Variants in ZNF521 observed in about 807,000 individuals in gnomAD.
The protein encoded by ZNF521 is zinc finger protein 521.
In ZNF521, 14 loss-of-function variants were observed where a neutral mutation model predicts 105.5. That is an observed-to-expected ratio of 0.13 (90% CI 0.09 to 0.21). The LOEUF (loss-of-function observed/expected upper bound fraction) is 0.21, where lower values mean the gene tolerates loss of function less well. ZNF521 is among the 10% of genes least tolerant of loss of function. The probability of loss-of-function intolerance (pLI) is 1.00; values close to 1 mark genes in which losing one functional copy is unlikely to be tolerated. For synonymous variants in ZNF521, 635 were observed against 606.0 expected (o/e 1.05, Z -0.70); for missense variants, 1,233 against 1,629.7 (o/e 0.76, Z 4.19).
chr18:25,100,945 A>T (rs1326971378), intron 5 of ZNF521, among the ~76,000 whole-genome samples: 1 of 152,192 alleles, frequency 6.6e-6, no homozygotes, highest in Non-Finnish European at 1.5e-5. Flanking sequence ...GTGTGAATTT[A>T]ATGTCATGCT....
intron 7 of ZNF521, among the ~76,000 whole-genome samples, chr18:25,075,575 A>G (rs368841924): frequency 9.8e-4 from 150 of 152,306 alleles, no homozygotes; most frequent in African/African-American, 3.5e-3. Flanking sequence ...ACGCTATTCA[A>G]TGTTCCTTGC....
intron 6 of ZNF521, 93 bp downstream of exon 6, chr18:25,091,857 A>G: frequency 6.8e-7 from 1 of 1,468,914 alleles, no homozygotes; most frequent in Non-Finnish European, 9.1e-7. Context: ...TCATGTCTGT[A>G]AAAGGCCATA....
In ZNF521 at chr18:25,188,466, G is replaced by A. The variant is rs181283386; in HGVS notation, c.3658+6694C>T. On this transcript the variant is annotated intron_variant, in intron 5 of 7. Transcript: ENST00000361524. ...AACGGATTCTGTGGAAATAGGTCAC[G>A]ATGTGTGTGTGTGCATGGGCAAGCA... Among the ~76,000 whole-genome samples the A allele has an allele frequency of 4.1e-3, 628 of 152,250 alleles. 4 individuals carry two copies. Among genetic ancestry groups the A allele is most frequent in the Non-Finnish European group, 7.4e-3 (505 of 68,034 alleles).
In ZNF521 at chr18:25,320,427, T is replaced by A. The variant is rs562967918; in HGVS notation, c.220+1581A>T. ...CTCAGATGATCCACCTGCCTCGGCC[T>A]CCCAAAGTGCTAGGATTACAGGTGT... is the stretch of plus-strand genomic sequence containing the variant. On this transcript the variant is annotated intron_variant, in intron 3 of 7. Transcript: ENST00000361524. 7.2e-5 allele frequency among the ~76,000 whole-genome samples: 11 copies of A among 152,306 alleles called. No homozygotes were observed. The South Asian group carries it at 2.3e-3, about 32-fold the overall frequency.
intron 3 of ZNF521, among the ~76,000 whole-genome samples, chr18:25,230,391 C>A (rs757332479): frequency 7.9e-5 from 12 of 152,154 alleles, no homozygotes; most frequent in Admixed American, 4.6e-4. Flanking sequence ...CTACTCCAAG[C>A]GGGTTGGTCC....
At chr18:25,180,984 C>G (rs1485644167) in intron 5 of ZNF521, among the ~76,000 whole-genome samples, 1 of 152,102 alleles carries the variant, frequency 6.6e-6, no homozygotes, top group Non-Finnish European at 1.5e-5. Flanking sequence ...AAGTAAATCC[C>G]TATTTCAGCA....
chr18:25,310,430 AAAC>A (rs1912236885), intron 3 of ZNF521, among the ~76,000 whole-genome samples: 1 of 147,376 alleles, frequency 6.8e-6, no homozygotes, highest in African/African-American at 2.7e-5. Flanking sequence ...AAAAAACAGA[AAAC>A]AAAAAAAAAA....
chr18:25,163,900 C>T (rs1174611911), intron 5 of ZNF521, among the ~76,000 whole-genome samples: 1 of 152,130 alleles, frequency 6.6e-6, no homozygotes, highest in African/African-American at 2.4e-5. Context: ...TACAGAAAAG[C>T]TGTCCTTTCA....
intron 3 of ZNF521, among the ~76,000 whole-genome samples, chr18:25,265,123 AAATAT>A (rs1289658113): frequency 3.9e-5 from 6 of 152,198 alleles, no homozygotes; most frequent in Non-Finnish European, 7.3e-5. Context: ...ACATTTTTAA[AAATAT>A]TAAACAAAAA....
intron 3 of ZNF521, among the ~76,000 whole-genome samples, chr18:25,304,447 A>G (rs1409355427): frequency 1.3e-5 from 2 of 152,210 alleles, no homozygotes; most frequent in Non-Finnish European, 2.9e-5. Flanking sequence ...AACTGACTTT[A>G]CATTCGGTTT....
chr18:25,070,029 GA>G (rs1368136409), intron 7 of ZNF521, among the ~76,000 whole-genome samples: 2 of 152,160 alleles, frequency 1.3e-5, no homozygotes, highest in Non-Finnish European at 2.9e-5. Flanking sequence ...GGCTTGGTCT[GA>G]CATCTCAAAG....
At chr18:25,116,724 T>A (rs2034310192) in intron 5 of ZNF521, among the ~76,000 whole-genome samples, 1 of 151,292 alleles carries the variant, frequency 6.6e-6, no homozygotes, top group Admixed American at 6.6e-5. Flanking sequence ...TCCTCCTTTT[T>A]AAAAAAAACA....
chr18:25,062,745 T>TAA lies in ZNF521; in HGVS notation c.3907-6_3907-5dup. On this transcript the variant is annotated splice_region_variant and splice_polypyrimidine_tract_variant and intron_variant, in intron 7 of 7. Transcript: ENST00000361524. ...TGTGTTGGGTCATTGTATGATTCTG[T>TAA]AAATAACAAAAAAAAAAAAAAAAAA... The TAA allele has an allele frequency of 1.1e-6, 1 of 936,792 alleles. No individual in the cohort carries two copies. 58.0% of individuals were successfully genotyped at this position (936,792 alleles called of 1,614,324 possible).
chr18:25,077,235 G>C (rs576948236), intron 7 of ZNF521, among the ~76,000 whole-genome samples: 1 of 152,302 alleles, frequency 6.6e-6, no homozygotes, highest in South Asian at 2.1e-4. Context: ...CTGAAGGGAA[G>C]AAAGAACGTG....
intron 5 of ZNF521, among the ~76,000 whole-genome samples, chr18:25,110,442 C>CAAAAAAAAAAAAAAA (rs372395726): frequency 6.7e-5 from 10 of 148,978 alleles, no homozygotes; most frequent in African/African-American, 2.5e-4. Context: ...GGCAGGAGAC[C>CAAAAAAAAAAAAAAA]AAAAAAGAAA....
At chr18:25,346,138 T>C (rs964410702) in intron 2 of ZNF521, among the ~76,000 whole-genome samples, 13 of 152,284 alleles carry the variant, frequency 8.5e-5, no homozygotes, top group Non-Finnish European at 1.6e-4. Flanking sequence ...AGCACTGCAC[T>C]GTCTTAAAAC....
chr18:25,226,429 G>C lies in ZNF521; in HGVS notation c.1489C>G (p.Arg497Gly), dbSNP rs1279936071. Reference protein sequence around the residue: ...NDLNTLQEHIRCSHGFANPAA... With the variant: ...NDLNTLQEHIGCSHGFANPAA... ...GGGTTTGCAAATCCATGAGAACATC[G>C]GATGTGTTCCTGAAGAGTGTTGAGG... Residue 497 changes from arginine to glycine, a missense_variant, in exon 4 of 8, where the codon CGA (arginine) becomes GGA (glycine). By Grantham distance (125) the Arg-to-Gly change is moderately radical. Coordinates refer to ENST00000361524, the MANE Select transcript of ZNF521 (RefSeq NM_015461.3). This position sits in a 1 kb window ranked among gnomAD's most constrained non-coding sequence, Gnocchi z 4.1. 6.2e-7 allele frequency: 1 copy of C among 1,614,128 alleles called. No individual in the cohort carries two copies. Among genetic ancestry groups the C allele is most frequent in the East Asian group, 2.2e-5 (1 of 44,860 alleles).
chr18:25,333,905 C>T (rs569334470), intron 2 of ZNF521, among the ~76,000 whole-genome samples: 60 of 152,218 alleles, frequency 3.9e-4, no homozygotes, highest in Non-Finnish European at 6.2e-4. Context: ...TTTGCAGGCA[C>T]AACCATCACT....
rs535386746 is a variant in ZNF521 at position 25,287,608 on chromosome 18, A to G, written c.220+34400T>C. ...TTAAGAAATTCAGGAGAAATTCAGA[A>G]AAAAAAAAAAGAGAGTATAAAGGTC... is the stretch of plus-strand genomic sequence containing the variant. On this transcript the variant is annotated intron_variant, in intron 3 of 7. Coordinates refer to ENST00000361524, the MANE Select transcript of ZNF521 (RefSeq NM_015461.3). Among the ~76,000 whole-genome samples the G allele has an allele frequency of 4.2e-5, 6 of 144,462 alleles. No individual in the cohort carries two copies. In the East Asian group the frequency reaches 1.0e-3, roughly 24 times the overall value. 94.8% of individuals were successfully genotyped at this position (144,462 alleles called of 152,430 possible).
Sources: allele counts gnomAD v4.1 joint callset (sites outside exome capture counted in the v4.1 genomes callset), GRCh38; gene constraint gnomAD v4.1.1; non-coding constraint Gnocchi (gnomAD v3.1); transcripts MANE v1.5; gene names NCBI Gene and HGNC (gene_info 2026-07-23, HGNC 2026-07-21).